The following MVB12B variants were observed in gnomAD, a reference collection of about 807,000 sequenced individuals.
The protein encoded by MVB12B is multivesicular body subunit 12B, also known as ESCRT-I complex subunit MVB12B.
A neutral mutation model predicts 41.6 loss-of-function variants in MVB12B; 16 were observed. The ratio of observed to expected loss-of-function variants is 0.38; its 90% confidence interval spans 0.26 to 0.58. The LOEUF (loss-of-function observed/expected upper bound fraction) is 0.58, where lower values mean the gene tolerates loss of function less well. MVB12B is among the 20% of genes least tolerant of loss of function. The pLI is 0.62. For missense variants in MVB12B, 274 were observed against 380.2 expected (o/e 0.72, Z 2.32); for synonymous variants, 133 against 139.7 (o/e 0.95, Z 0.34).
intron 6 of MVB12B, among the ~76,000 whole-genome samples, chr9:126,416,700 G>C (rs1360658166): frequency 6.6e-6 from 1 of 152,122 alleles, no homozygotes; most frequent in East Asian, 1.9e-4. Context: ...CCCTTCATCA[G>C]CTTTACCTCT....
At chr9:126,394,872 A>C (rs368328065) in intron 5 of MVB12B, among the ~76,000 whole-genome samples, 80 of 152,296 alleles carry the variant, frequency 5.3e-4, no homozygotes, top group Non-Finnish European at 8.1e-4. Flanking sequence ...TTGGAAACTG[A>C]ATATGGTGAA....
intron 2 of MVB12B, among the ~76,000 whole-genome samples, chr9:126,361,480 C>A (rs961378601): frequency 3.3e-5 from 5 of 152,062 alleles, no homozygotes; most frequent in Non-Finnish European, 5.9e-5. Context: ...ATAACATAGT[C>A]TTTTATAGTT....
intron 7 of MVB12B, among the ~76,000 whole-genome samples, chr9:126,467,366 A>AC (rs1307683658): frequency 6.6e-6 from 1 of 152,190 alleles, no homozygotes; most frequent in African/African-American, 2.4e-5. Context: ...TGGGAGGCCC[A>AC]CGGTGCTGGT....
intron 9 of MVB12B, among the ~76,000 whole-genome samples, chr9:126,490,142 C>A (rs552603591): frequency 3.7e-4 from 57 of 152,304 alleles, no homozygotes; most frequent in Middle Eastern, 3.4e-3. Flanking sequence ...CTCTTTATTT[C>A]CCTGGTAAGC....
At chr9:126,334,186 C>T (rs964324160) in intron 1 of MVB12B, among the ~76,000 whole-genome samples, 3 of 152,198 alleles carry the variant, frequency 2.0e-5, no homozygotes, top group Admixed American at 1.3e-4. Flanking sequence ...TGTGGACTCA[C>T]TGTTCACGCG....
chr9:126,499,128 G>A (rs1346086062), intron 9 of MVB12B, among the ~76,000 whole-genome samples: 1 of 152,184 alleles, frequency 6.6e-6, no homozygotes, highest in Non-Finnish European at 1.5e-5. Flanking sequence ...GCTGCTGGAA[G>A]CTGCAGTTGG....
chr9:126,346,993 G>A (rs1355608009), intron 2 of MVB12B, among the ~76,000 whole-genome samples: 4 of 152,248 alleles, frequency 2.6e-5, no homozygotes, highest in Non-Finnish European at 5.9e-5. Flanking sequence ...GATGGCCTTT[G>A]AAGAGGGGAG....
At chr9:126,461,497 C>T (rs1352961684) in intron 7 of MVB12B, among the ~76,000 whole-genome samples, 3 of 152,196 alleles carry the variant, frequency 2.0e-5, no homozygotes, top group African/African-American at 7.2e-5. Context: ...ACTAAGGGAA[C>T]ATCTTTTCTA....
chr9:126,421,975 G>T, intron 7 of MVB12B, 27 bp downstream of exon 7: 1 of 1,552,054 alleles, frequency 6.4e-7, no homozygotes. Context: ...CTGCAGGCCA[G>T]CTACAGAGTC....
chr9:126,406,954 A>C (rs1029795496), intron 6 of MVB12B, among the ~76,000 whole-genome samples: 1 of 152,192 alleles, frequency 6.6e-6, no homozygotes, highest in African/African-American at 2.4e-5. Context: ...TTTTCTGCGG[A>C]AGCATTTTCT....
chr9:126,416,586 C>T (rs1328015804), intron 6 of MVB12B, among the ~76,000 whole-genome samples: 1 of 152,192 alleles, frequency 6.6e-6, no homozygotes, highest in Non-Finnish European at 1.5e-5. Flanking sequence ...TGAGTAGTCT[C>T]ATTTTATATA....
chr9:126,498,853 C>T (rs972208045), intron 9 of MVB12B, among the ~76,000 whole-genome samples: 3 of 152,230 alleles, frequency 2.0e-5, no homozygotes, highest in Non-Finnish European at 2.9e-5. Context: ...TTGCCTTCCC[C>T]TCTGGTGATT....
At chr9:126,346,819 G>C (rs565200311) in intron 2 of MVB12B, among the ~76,000 whole-genome samples, 1 of 152,252 alleles carries the variant, frequency 6.6e-6, no homozygotes, top group Non-Finnish European at 1.5e-5. Context: ...CTGTAAGAAG[G>C]AGTGGTGAGT....
chr9:126,394,199 T>C (rs569909911), intron 5 of MVB12B, among the ~76,000 whole-genome samples: 1 of 152,332 alleles, frequency 6.6e-6, no homozygotes, highest in African/African-American at 2.4e-5. Flanking sequence ...AGAATAAACA[T>C]ACTTCAGGCA....
chr9:126,484,061 C>G (rs751391798), intron 9 of MVB12B, 29 bp downstream of exon 9: 11 of 1,608,972 alleles, frequency 6.8e-6, no homozygotes, highest in Non-Finnish European at 9.4e-6. Context: ...GAGGGGAGGG[C>G]AGGCCTGGGC....
intron 1 of MVB12B, among the ~76,000 whole-genome samples, chr9:126,339,318 A>G (rs1829373145): frequency 6.6e-6 from 1 of 152,228 alleles, no homozygotes; most frequent in Non-Finnish European, 1.5e-5. Context: ...TTTGGTTTGT[A>G]TTAGAAGCAG....
At chr9:126,444,871 A>G (rs12237739) in intron 7 of MVB12B, among the ~76,000 whole-genome samples, 40,333 of 152,088 alleles carry the variant, frequency 0.27, 5,454 homozygotes, top group Middle Eastern at 0.31. Flanking sequence ...CAATCCTATA[A>G]TAACCTCTTA....
chr9:126,376,606 G>A lies in MVB12B; in HGVS notation c.205-4458G>A. The A allele has an allele frequency of 7.8e-7, 1 of 1,289,418 alleles. No individual in the cohort carries two copies. Among genetic ancestry groups the A allele is most frequent in the South Asian group, 1.2e-5 (1 of 81,030 alleles). The allele number at this position is 1,289,418 out of a possible 1,614,324, so 79.9% of individuals were successfully genotyped here. A position where few individuals can be genotyped will look rare whatever the true frequency, so the allele number is the denominator to read the frequency against. On this transcript the variant is annotated intron_variant, in intron 2 of 9. Coordinates refer to ENST00000361171, the MANE Select transcript of MVB12B (RefSeq NM_033446.3). The surrounding 1 kb of genome is among the most constrained non-coding windows in gnomAD (Gnocchi z 4.1). ...CCCTCAGTGTCCAGTGTTCAGGGGA[G>A]GCGGCTGGAAGCAAGAAGGAGGGTA...
At chr9:126,357,629 A>G (rs950752554) in intron 2 of MVB12B, among the ~76,000 whole-genome samples, 5 of 151,580 alleles carry the variant, frequency 3.3e-5, no homozygotes, top group Non-Finnish European at 1.5e-5. Flanking sequence ...CCATTAGTAT[A>G]ACTTCTTTGG....
Sources: allele counts gnomAD v4.1 joint callset (sites outside exome capture counted in the v4.1 genomes callset), GRCh38; gene constraint gnomAD v4.1.1; non-coding constraint Gnocchi (gnomAD v3.1); transcripts MANE v1.5; gene names NCBI Gene and HGNC (gene_info 2026-07-23, HGNC 2026-07-21).